ST7L: variants seen among roughly 807,000 people sequenced by gnomAD.
The protein encoded by ST7L is suppression of tumorigenicity 7 like, also known as suppressor of tumorigenicity 7 protein-like.
A neutral mutation model predicts 72.5 loss-of-function variants in ST7L; 57 were observed. The ratio of observed to expected loss-of-function variants is 0.79; its 90% CI spans 0.64 to 0.98. The LOEUF is 0.98. ST7L is among the 50% of genes least tolerant of loss of function. The probability of loss-of-function intolerance (pLI) is 0.00; values close to 1 mark genes in which losing one functional copy is unlikely to be tolerated. For missense variants in ST7L, 576 were observed against 672.2 expected, an observed-to-expected ratio of 0.86 and a Z score of 1.58; for synonymous variants, 221 against 240.9, an observed-to-expected ratio of 0.92 and a Z score of 0.77.
intron 14 of ST7L, chr1:112,540,611 G>C (rs1655946733): frequency 2.0e-6 from 2 of 985,282 alleles, no homozygotes. Flanking sequence ...CACATTATAT[G>C]GTTGACCTTC....
chr1:112,594,388 G>A (rs1666131497), intron 5 of ST7L, among the ~76,000 whole-genome samples: 1 of 152,138 alleles, frequency 6.6e-6, no homozygotes, highest in South Asian at 2.1e-4. Flanking sequence ...ATTAAACAGT[G>A]AAGCTTGGCA....
chr1:112,555,850 T>C lies in ST7L; in HGVS notation c.1396+18A>G, dbSNP rs755665017. 15 of 1,481,608 alleles carry C rather than the reference T, an allele frequency of 1.0e-5. No homozygotes were observed. The Middle Eastern group carries it at 7.3e-4, about 72-fold the overall frequency. The allele number at this position is 1,481,608 out of a possible 1,614,324, so 91.8% of individuals were successfully genotyped here. On this transcript the variant is annotated intron_variant, in intron 12 of 14. Coordinates refer to ENST00000358039, the MANE Select transcript of ST7L (RefSeq NM_017744.5). ...ATAGTTAGAGAGATTAGTGTTACTT[T>C]TGGAAAAGAATACTTACTGCCTTCC...
rs1558059505 is a variant in ST7L at position 112,610,904 on chromosome 1, T to C, written c.388A>G (p.Ile130Val). ...QPLMGGTESS[I>V]SEPGSPSRNR... ...CTCGAAGGAGAACCTGGTTCTGAAA[T>C]GCTGCTCTCTGTTCCTCCCATCAGT... The change falls in exon 3 of 15, where the codon ATT (isoleucine) becomes GTT (valine). Residue 130 changes from isoleucine (I) to valine (V), a missense_variant. Transcript: ENST00000358039. The C allele has an allele frequency of 6.8e-6, 11 of 1,614,132 alleles. No individual in the cohort carries two copies. Among genetic ancestry groups the C allele is most frequent in the Non-Finnish European group, 9.3e-6 (11 of 1,180,056 alleles).
intron 13 of ST7L, among the ~76,000 whole-genome samples, chr1:112,547,621 A>G (rs1354821848): frequency 8.8e-6 from 1 of 113,102 alleles, no homozygotes; most frequent in Non-Finnish European, 1.6e-5. Context: ...CCCAGGCTGG[A>G]GTGCAGTCTC....
At chr1:112,609,078 A>C (rs1668677025) in intron 3 of ST7L, among the ~76,000 whole-genome samples, 1 of 152,152 alleles carries the variant, frequency 6.6e-6, no homozygotes, top group African/African-American at 2.4e-5. Context: ...TGTAATTCCA[A>C]CATTTTGGGA....
chr1:112,556,897 G>A (rs765570611), intron 11 of ST7L, among the ~76,000 whole-genome samples: 1 of 146,790 alleles, frequency 6.8e-6, no homozygotes, highest in Non-Finnish European at 1.5e-5. Flanking sequence ...GAACCCGGGA[G>A]GCGGAGGTTG....
intron 11 of ST7L, among the ~76,000 whole-genome samples, chr1:112,573,750 G>C (rs1461872615): frequency 6.6e-6 from 1 of 151,506 alleles, no homozygotes; most frequent in Non-Finnish European, 1.5e-5. Context: ...TCCAGGGCCA[G>C]GCATATGTTT....
At chr1:112,618,801 A>G in intron 1 of ST7L, 108 bp downstream of exon 1, 10 of 1,460,246 alleles carry the variant, frequency 6.8e-6, no homozygotes, top group Non-Finnish European at 9.1e-6. Context: ...CTCATCATCG[A>G]CTCCTCAGAG....
chr1:112,590,710 G>A (rs767042767), intron 6 of ST7L, among the ~76,000 whole-genome samples: 6 of 152,100 alleles, frequency 3.9e-5, no homozygotes, highest in Non-Finnish European at 7.4e-5. Flanking sequence ...TTTACATTTT[G>A]CCTTTTCAAA....
chr1:112,576,896 A>C, intron 11 of ST7L, 90 bp downstream of exon 11: 1 of 961,260 alleles, frequency 1.0e-6, no homozygotes, highest in Non-Finnish European at 1.6e-6. Context: ...ATTCTGCACC[A>C]AATTATGGTG....
At chr1:112,578,250 G>GA in intron 10 of ST7L, 95 bp downstream of exon 10, 4 of 1,188,158 alleles carry the variant, frequency 3.4e-6, no homozygotes, top group Non-Finnish European at 5.0e-6. Context: ...GAAGGAAGTA[G>GA]AGTGGAAAAC....
rs71584747 is a variant in ST7L, at chr1:112,555,564, C to CA, written c.1396+303dup. Among the ~76,000 whole-genome samples the CA allele has an allele frequency of 9.4e-3, 1,383 of 147,790 alleles. 11 individuals are homozygous for CA. The highest frequency in any genetic ancestry group is 0.015 in the Non-Finnish European group (1,001 of 66,872). ...TGGGGGACAGAGTGAGACTCCGTCT[C>CA]AAAAAAAAACAAAAAAAGTTGTAAG... On this transcript the variant is annotated intron_variant, in intron 12 of 14. Transcript: ENST00000358039.
downstream of ST7L, chr1:112,521,095 G>A (rs1226986213): frequency 6.5e-6 from 1 of 152,958 alleles, no homozygotes; most frequent in Non-Finnish European, 1.5e-5. Context: ...TTTTGTAGAA[G>A]AAAAAGAATC....
In ST7L at chr1:112,603,441, GTAGTA is replaced by G. The variant is rs369968844; in HGVS notation, c.452-2598_452-2594del. Among the ~76,000 whole-genome samples the G allele has an allele frequency of 5.3e-5, 8 of 152,244 alleles. 1 individual carries two copies. The highest frequency in any genetic ancestry group is 1.9e-4 in the African/African-American group (8 of 41,544). ...AAGAGTACTCATAGAAAGTTTTAGT[GTAGTA>G]TCAAAAAAAGGTATCCACAATTTTC... On this transcript the variant is annotated intron_variant, in intron 3 of 14. Coordinates refer to ENST00000358039, the MANE Select transcript of ST7L (RefSeq NM_017744.5).
At chr1:112,578,542 G>T in intron 9 of ST7L, 125 bp from the exon 10 acceptor site, 1 of 785,406 alleles carries the variant, frequency 1.3e-6, no homozygotes, top group Non-Finnish European at 2.2e-6. Context: ...TAGGGAGGCT[G>T]AGGCGGGTGG....
At chr1:112,600,602 A>G (rs1229705979) in intron 4 of ST7L, among the ~76,000 whole-genome samples, 192 bp downstream of exon 4, 1 of 152,122 alleles carries the variant, frequency 6.6e-6, no homozygotes, top group East Asian at 1.9e-4. Context: ...TCTCTAAAAA[A>G]TTTTAATTAA....
chr1:112,577,116 T>C (rs1571130868), intron 10 of ST7L, 28 bp from the exon 11 acceptor site: 2 of 1,404,254 alleles, frequency 1.4e-6, no homozygotes, highest in Non-Finnish European at 1.9e-6. Context: ...AATGAAAAAA[T>C]AAATATGCTA....
chr1:112,540,655 G>A, intron 14 of ST7L: 1 of 1,181,514 alleles, frequency 8.5e-7, no homozygotes, highest in Non-Finnish European at 1.1e-6. Flanking sequence ...CTTACCACTG[G>A]TGCCAGAAAA....
intron 11 of ST7L, among the ~76,000 whole-genome samples, chr1:112,563,265 A>C (rs1660471457): frequency 6.6e-6 from 1 of 152,166 alleles, no homozygotes; most frequent in African/African-American, 2.4e-5. Context: ...TAATGAGAGG[A>C]TAATGAAGCC....
Sources: gnomAD v4.1 joint callset for allele counts (sites outside exome capture counted in the v4.1 genomes callset) on GRCh38, gnomAD v4.1.1 for gene constraint, MANE v1.5 for transcripts, NCBI Gene and HGNC (gene_info 2026-07-23, HGNC 2026-07-21) for gene names.